Variants in RBFOX1 observed in about 807,000 individuals in gnomAD.
RBFOX1 encodes the protein RNA binding fox-1 homolog 1, also known as RNA binding protein fox-1 homolog 1.
In RBFOX1, 8 loss-of-function variants were observed where a neutral mutation model predicts 57.7. The ratio of observed to expected loss-of-function variants is 0.14; its 90% CI spans 0.08 to 0.25. The LOEUF (loss-of-function observed/expected upper bound fraction) is 0.25. Among genes scored for constraint, RBFOX1 ranks in the 10% least tolerant of loss-of-function variants. The pLI is 1.00. For missense variants in RBFOX1, 611 were observed against 548.5 expected, an observed-to-expected ratio of 1.11 and a Z score of -1.14; for synonymous variants, 326 against 222.4, an observed-to-expected ratio of 1.47 and a Z score of -4.15.
At chr16:6,256,269 A>ATG (rs1163696114) in intron 1 of RBFOX1, among the ~76,000 whole-genome samples, 1 of 116,670 alleles carries the variant, frequency 8.6e-6, no homozygotes, top group Non-Finnish European at 1.6e-5. Flanking sequence ...GTATATATAT[A>ATG]TGTATATATA....
intron 1 of RBFOX1, among the ~76,000 whole-genome samples, chr16:5,253,614 T>C (rs1427845522): frequency 6.6e-6 from 1 of 152,184 alleles, no homozygotes; most frequent in Non-Finnish European, 1.5e-5. Flanking sequence ...ACGTGGGAAA[T>C]ACCACCAATG....
chr16:6,117,741 T>C (rs1351376846), intron 1 of RBFOX1, among the ~76,000 whole-genome samples: 1 of 152,276 alleles, frequency 6.6e-6, no homozygotes, highest in Non-Finnish European at 1.5e-5. Flanking sequence ...TTCTCAGTTA[T>C]TTTGTTATAG....
chr16:6,020,271 C>G (rs2095043175), intron 1 of RBFOX1, among the ~76,000 whole-genome samples: 2 of 152,116 alleles, frequency 1.3e-5, no homozygotes, highest in Admixed American at 6.5e-5. Flanking sequence ...TCCAGGCTAC[C>G]TCGTCCGTCC....
intron 2 of RBFOX1, among the ~76,000 whole-genome samples, chr16:5,592,762 C>T (rs977009566): frequency 2.6e-5 from 4 of 152,198 alleles, no homozygotes; most frequent in African/African-American, 9.6e-5. Context: ...CATCCAACAG[C>T]CATGATCTGG....
At chr16:7,356,524 G>A (rs1045133101) in intron 4 of RBFOX1, among the ~76,000 whole-genome samples, 2 of 152,144 alleles carry the variant, frequency 1.3e-5, no homozygotes, top group African/African-American at 4.8e-5. Flanking sequence ...ATGATGTCGG[G>A]TGGTAGGTGG....
At chr16:7,092,406 C>A (rs1442161083) in intron 4 of RBFOX1, among the ~76,000 whole-genome samples, 1 of 152,220 alleles carries the variant, frequency 6.6e-6, no homozygotes, top group Non-Finnish European at 1.5e-5. Flanking sequence ...GATCACACTG[C>A]TTTAGAACTT....
intron 3 of RBFOX1, among the ~76,000 whole-genome samples, chr16:5,735,283 G>T (rs1221671001): frequency 1.3e-5 from 2 of 152,166 alleles, no homozygotes; most frequent in Non-Finnish European, 2.9e-5. Flanking sequence ...GCATTTCATG[G>T]CTTCCATTAC....
chr16:7,080,056 ATAT>A (rs200591472), intron 4 of RBFOX1, among the ~76,000 whole-genome samples: 3,726 of 140,496 alleles, frequency 0.027, 69 homozygotes, highest in Middle Eastern at 0.047. Context: ...ATATATATAC[ATAT>A]TATATATATA....
At chr16:5,279,204 A>T (rs1352042860) in intron 1 of RBFOX1, among the ~76,000 whole-genome samples, 2 of 152,126 alleles carry the variant, frequency 1.3e-5, no homozygotes, top group Non-Finnish European at 2.9e-5. Context: ...TAGTTATTCT[A>T]ACCCACGAGC....
intron 4 of RBFOX1, among the ~76,000 whole-genome samples, chr16:7,261,372 C>G (rs1345930801): frequency 6.6e-6 from 1 of 152,166 alleles, no homozygotes; most frequent in Admixed American, 6.5e-5. Flanking sequence ...GTCCAGACAT[C>G]AAGGCAGCAG....
chr16:7,496,254 TG>T (rs2151692380), intron 4 of RBFOX1, among the ~76,000 whole-genome samples: 1 of 152,302 alleles, frequency 6.6e-6, no homozygotes, highest in African/African-American at 2.4e-5. Context: ...GTGATTCTCT[TG>T]CCTCAGCCTC....
chr16:7,365,734 T>C (rs761986783), intron 4 of RBFOX1, among the ~76,000 whole-genome samples: 1 of 152,146 alleles, frequency 6.6e-6, no homozygotes, highest in Non-Finnish European at 1.5e-5. Flanking sequence ...AGTGCAGAGA[T>C]AGAGAAACCC....
chr16:5,695,984 C>T (rs1009040718), intron 3 of RBFOX1, among the ~76,000 whole-genome samples: 2 of 152,040 alleles, frequency 1.3e-5, no homozygotes, highest in African/African-American at 4.8e-5. Context: ...GATTTAATTA[C>T]AGTTATAGGG....
chr16:5,275,751 C>G (rs1025673990), intron 1 of RBFOX1, among the ~76,000 whole-genome samples: 1 of 152,016 alleles, frequency 6.6e-6, no homozygotes, highest in Admixed American at 6.6e-5. Context: ...CAAAAAGAAC[C>G]AATCTAGAGG....
intron 4 of RBFOX1, among the ~76,000 whole-genome samples, chr16:7,184,721 T>G (rs145135422): frequency 1.3e-5 from 2 of 152,178 alleles, no homozygotes; most frequent in Admixed American, 6.5e-5. Flanking sequence ...CTCTAAAAAT[T>G]TGGGGCAATG....
intron 1 of RBFOX1, among the ~76,000 whole-genome samples, chr16:5,421,420 A>G (rs987139479): frequency 6.6e-6 from 1 of 152,146 alleles, no homozygotes; most frequent in African/African-American, 2.4e-5. Flanking sequence ...GCTGAGCCAA[A>G]TGGCAGCTTG....
intron 4 of RBFOX1, among the ~76,000 whole-genome samples, chr16:7,321,868 C>T (rs182208825): frequency 1.3e-5 from 2 of 152,152 alleles, no homozygotes; most frequent in South Asian, 4.1e-4. Flanking sequence ...TCTGTTGCCA[C>T]CAGCTGCCTG....
intron 4 of RBFOX1, among the ~76,000 whole-genome samples, chr16:5,993,557 C>T (rs1400554284): frequency 1.3e-5 from 2 of 151,136 alleles, no homozygotes; most frequent in East Asian, 1.9e-4. Flanking sequence ...AGTCTGTGTT[C>T]ATTGAAATGT....
intron 4 of RBFOX1, among the ~76,000 whole-genome samples, chr16:7,124,816 C>G (rs563986190): frequency 6.0e-4 from 91 of 152,034 alleles, no homozygotes; most frequent in African/African-American, 2.1e-3. Flanking sequence ...AGAGACAGTC[C>G]GTATCCTGTT....
Sources: gnomAD v4.1 joint callset for allele counts (sites outside exome capture counted in the v4.1 genomes callset) on GRCh38, gnomAD v4.1.1 for gene constraint, MANE v1.5 for transcripts, NCBI Gene and HGNC (gene_info 2026-07-23, HGNC 2026-07-21) for gene names.